Variants in SLC16A7 observed in about 807,000 individuals in gnomAD.
The protein encoded by SLC16A7 is solute carrier family 16 member 7, also known as monocarboxylate transporter 2.
Under a neutral mutation model 34.9 loss-of-function variants are expected in SLC16A7, and 33 were observed. The ratio of observed to expected loss-of-function variants is 0.94; its 90% CI spans 0.72 to 1.26. The LOEUF is 1.26. Among genes scored for constraint, SLC16A7 ranks in the 50% most tolerant of loss-of-function variants. SLC16A7 has a pLI of 0.00. For missense variants in SLC16A7, 573 were observed against 578.1 expected, an observed-to-expected ratio of 0.99 and a Z score of 0.09; for synonymous variants, 201 against 206.6, an observed-to-expected ratio of 0.97 and a Z score of 0.23.
intron 2 of SLC16A7, among the ~76,000 whole-genome samples, chr12:59,670,774 C>T (rs1352451778): frequency 6.6e-6 from 1 of 152,196 alleles, no homozygotes; most frequent in Non-Finnish European, 1.5e-5. Flanking sequence ...GGTTGCAAGG[C>T]TTGGCAATCA....
chr12:59,778,141 T>A (rs1882945240), intron 5 of SLC16A7, among the ~76,000 whole-genome samples: 1 of 152,122 alleles, frequency 6.6e-6, no homozygotes, highest in Admixed American at 6.6e-5. Flanking sequence ...AGTATGCTGA[T>A]GTGGCAGCCC....
chr12:59,620,856 T>C (rs1411571182), intron 1 of SLC16A7, among the ~76,000 whole-genome samples: 1 of 151,956 alleles, frequency 6.6e-6, no homozygotes, highest in African/African-American at 2.4e-5. Context: ...TTATAGTTTT[T>C]ATTAATCACA....
intron 2 of SLC16A7, among the ~76,000 whole-genome samples, chr12:59,699,340 C>T (rs1236635362): frequency 2.0e-5 from 3 of 151,520 alleles, no homozygotes; most frequent in Non-Finnish European, 4.4e-5. Flanking sequence ...ATGGCTCTAA[C>T]TACATGAAAA....
intron 2 of SLC16A7, among the ~76,000 whole-genome samples, chr12:59,687,217 G>A (rs1871231223): frequency 6.6e-6 from 1 of 151,792 alleles, no homozygotes; most frequent in South Asian, 2.1e-4. Flanking sequence ...AGCTAAGTGG[G>A]GGGTGGGGGC....
At chr12:59,624,803 CATATTTCTGGT>C (rs1427597546) in intron 1 of SLC16A7, among the ~76,000 whole-genome samples, 1 of 150,412 alleles carries the variant, frequency 6.6e-6, no homozygotes, top group African/African-American at 2.4e-5. Flanking sequence ...CTACTGCAAG[CATATTTCTGGT>C]ATAGTGACAA....
At chr12:59,772,700 A>C (rs1882352352) in intron 4 of SLC16A7, among the ~76,000 whole-genome samples, 1 of 152,290 alleles carries the variant, frequency 6.6e-6, no homozygotes, top group East Asian at 1.9e-4. Flanking sequence ...TGTCTATAAA[A>C]TTAGATAAAT....
chr12:59,733,822 G>A, intron 3 of SLC16A7: 2 of 455,958 alleles, frequency 4.4e-6, no homozygotes, highest in Non-Finnish European at 8.8e-6. Context: ...CAACTCTTAG[G>A]AGAGCCACGG....
At chr12:59,730,409 T>C (rs1298655274) in intron 3 of SLC16A7, among the ~76,000 whole-genome samples, 1 of 151,644 alleles carries the variant, frequency 6.6e-6, no homozygotes, top group Non-Finnish European at 1.5e-5. Flanking sequence ...ATTTCCAAAA[T>C]GGCACCTATT....
rs1883755950 is a variant in SLC16A7, at chr12:59,788,261, C to A, written c.*8582C>A. On this transcript the variant is annotated 3_prime_UTR_variant, in exon 6 of 6. Coordinates refer to ENST00000547379, the MANE Select transcript of SLC16A7 (RefSeq NM_001270623.2). ...CTTGGCAACAGCCACATCCAGCTAACTTTTGCAAGAATTTTTTAAGGGATT... is the reference window on the plus strand; with the variant it reads ...CTTGGCAACAGCCACATCCAGCTAAATTTTGCAAGAATTTTTTAAGGGATT... 1 of 152,140 alleles carries A rather than the reference C, an allele frequency of 6.6e-6. No individual in the cohort carries two copies. Among genetic ancestry groups the A allele is most frequent in the Admixed American group, 6.5e-5 (1 of 15,282 alleles). The allele number at this position is 152,140 out of a possible 1,614,324, so 9.4% of individuals were successfully genotyped here.
intron 3 of SLC16A7, among the ~76,000 whole-genome samples, chr12:59,718,532 G>T (rs1236854529): frequency 1.3e-5 from 2 of 151,988 alleles, no homozygotes; most frequent in East Asian, 3.9e-4. Context: ...AAATGCCCAT[G>T]GTTTATTTGT....
intron 1 of SLC16A7, among the ~76,000 whole-genome samples, chr12:59,618,980 C>A (rs1371817725): frequency 6.6e-6 from 1 of 151,960 alleles, no homozygotes; most frequent in Non-Finnish European, 1.5e-5. Flanking sequence ...TTTGCAACAC[C>A]TGATTATAAA....
chr12:59,662,976 CTT>C (rs1305099359), intron 2 of SLC16A7, among the ~76,000 whole-genome samples: 1 of 151,998 alleles, frequency 6.6e-6, no homozygotes, highest in Admixed American at 6.6e-5. Flanking sequence ...AATTTGAACT[CTT>C]TAAACTTTTC....
intron 1 of SLC16A7, among the ~76,000 whole-genome samples, chr12:59,602,704 C>G (rs544640792): frequency 6.6e-6 from 1 of 151,874 alleles, no homozygotes; most frequent in Admixed American, 6.6e-5. Flanking sequence ...AGGCTGGTCT[C>G]GAACTCCTGA....
chr12:59,769,395 C>T (rs1356501904), intron 3 of SLC16A7: 1 of 152,076 alleles, frequency 6.6e-6, no homozygotes, highest in Non-Finnish European at 1.5e-5. Flanking sequence ...TTCTTCAGCT[C>T]TTCAGGTGAA....
intron 3 of SLC16A7, among the ~76,000 whole-genome samples, chr12:59,751,682 G>A (rs1232143657): frequency 2.0e-5 from 3 of 152,216 alleles, no homozygotes; most frequent in Non-Finnish European, 4.4e-5. Context: ...GCAGGGCACA[G>A]ACAAACAAAA....
intron 1 of SLC16A7, among the ~76,000 whole-genome samples, chr12:59,625,949 A>AT (rs749218657): frequency 6.6e-6 from 1 of 151,762 alleles, no homozygotes; most frequent in Non-Finnish European, 1.5e-5. Flanking sequence ...AAAGGAGCAG[A>AT]TTTTTTCCAA....
At chr12:59,755,577 C>A (rs1267078051) in intron 3 of SLC16A7, among the ~76,000 whole-genome samples, 1 of 152,108 alleles carries the variant, frequency 6.6e-6, no homozygotes, top group Admixed American at 6.5e-5. Context: ...TCAAGGAGAA[C>A]TACAAACCAC....
intron 3 of SLC16A7, among the ~76,000 whole-genome samples, chr12:59,756,057 G>T (rs374028062): frequency 1.1e-4 from 17 of 152,238 alleles, no homozygotes; most frequent in South Asian, 2.1e-4. Context: ...TAGCCATATG[G>T]AGAAAGCTGA....
chr12:59,761,122 C>T (rs1880968180), intron 3 of SLC16A7: 1 of 1,265,238 alleles, frequency 7.9e-7, no homozygotes, highest in Non-Finnish European at 1.0e-6. Context: ...CTTGTGTTTA[C>T]AGGTAGAATA....
Sources: allele counts gnomAD v4.1 joint callset (sites outside exome capture counted in the v4.1 genomes callset), GRCh38; gene constraint gnomAD v4.1.1; transcripts MANE v1.5; gene names NCBI Gene and HGNC (gene_info 2026-07-23, HGNC 2026-07-21).